Variants in MAF observed in about 807,000 individuals in gnomAD.
MAF encodes the protein MAF bZIP transcription factor.
MAF carries 10 observed loss-of-function variants against 22.0 expected under a neutral mutation model. That is an observed-to-expected ratio of 0.45 (90% CI 0.28 to 0.77). MAF has a LOEUF of 0.77. Among genes scored for constraint, MAF ranks in the 30% least tolerant of loss-of-function variants. The pLI is 0.12. For missense variants in MAF, 544 were observed against 548.4 expected (o/e 0.99, Z 0.08); for synonymous variants, 337 against 255.8 (o/e 1.32, Z -3.03).
the MAF span, among the ~76,000 whole-genome samples, chr16:79,217,821 T>A: frequency 2.0e-5 from 3 of 151,946 alleles, no homozygotes; most frequent in Non-Finnish European, 4.4e-5. Context: ...AGGCTGTGGC[T>A]TGTGGTTTTG....
chr16:79,308,409 C>T, the MAF span, among the ~76,000 whole-genome samples: 1 of 152,100 alleles, frequency 6.6e-6, no homozygotes, highest in East Asian at 1.9e-4. Flanking sequence ...ACTTAACAGC[C>T]TGTGTGGCTG....
At chr16:79,488,405 G>A in the MAF span, among the ~76,000 whole-genome samples, 6 of 152,214 alleles carry the variant, frequency 3.9e-5, no homozygotes, top group African/African-American at 1.4e-4. Flanking sequence ...ATTGGAGCTT[G>A]GTCCTGCCAC....
At chr16:79,320,202 T>C in the MAF span, among the ~76,000 whole-genome samples, 1 of 152,192 alleles carries the variant, frequency 6.6e-6, no homozygotes, top group Non-Finnish European at 1.5e-5. Context: ...GAAAAGGTTT[T>C]GTGACAGAGT....
chr16:79,320,155 C>T, the MAF span, among the ~76,000 whole-genome samples: 1 of 152,072 alleles, frequency 6.6e-6, no homozygotes, highest in Non-Finnish European at 1.5e-5. Context: ...GAGTTTGGTG[C>T]ATATGTGGAT....
chr16:79,474,114 G>C, the MAF span, among the ~76,000 whole-genome samples: 2 of 152,032 alleles, frequency 1.3e-5, no homozygotes, highest in East Asian at 3.9e-4. Flanking sequence ...GAAATGATGA[G>C]GAAATAGGAG....
the MAF span, among the ~76,000 whole-genome samples, chr16:79,329,966 A>C: frequency 6.6e-6 from 1 of 151,910 alleles, no homozygotes; most frequent in Admixed American, 6.6e-5. Flanking sequence ...TAAAAAAAAA[A>C]CAGCAAAAGA....
the MAF span, among the ~76,000 whole-genome samples, chr16:79,271,864 G>A: frequency 6.6e-6 from 1 of 152,230 alleles, no homozygotes; most frequent in Non-Finnish European, 1.5e-5. Flanking sequence ...AGAAGGTGCT[G>A]CCTGTAACAG....
the MAF span, among the ~76,000 whole-genome samples, chr16:79,259,703 T>A: frequency 6.6e-6 from 1 of 152,060 alleles, no homozygotes; most frequent in Non-Finnish European, 1.5e-5. Context: ...TGTCTTAGGG[T>A]ACAGGGGGCA....
At chr16:79,212,683 A>ATTGT in the MAF span, 3 of 152,116 alleles carry the variant, frequency 2.0e-5, no homozygotes, top group Non-Finnish European at 2.9e-5. Context: ...TGAAGTTTGT[A>ATTGT]TTGTTTCTTT....
At chr16:79,439,784 T>C in the MAF span, among the ~76,000 whole-genome samples, 1 of 152,198 alleles carries the variant, frequency 6.6e-6, no homozygotes, top group Non-Finnish European at 1.5e-5. Context: ...CCAGCATGGA[T>C]TCTGCATAGG....
At chr16:79,378,643 T>A in the MAF span, among the ~76,000 whole-genome samples, 3 of 152,370 alleles carry the variant, frequency 2.0e-5, no homozygotes, top group East Asian at 5.8e-4. Flanking sequence ...CATTTAGAGA[T>A]GACCATTATA....
At chr16:79,516,437 C>T in the MAF span, 1 of 152,186 alleles carries the variant, frequency 6.6e-6, no homozygotes, top group East Asian at 1.9e-4. Context: ...TTCCTTAGAA[C>T]AAGGCAAAGG....
chr16:79,557,029 G>A, the MAF span, among the ~76,000 whole-genome samples: 1 of 149,798 alleles, frequency 6.7e-6, no homozygotes, highest in Admixed American at 6.6e-5. Context: ...TGTTGCCCAG[G>A]CTACACTTAA....
At chr16:79,301,814 C>T in the MAF span, among the ~76,000 whole-genome samples, 1 of 152,212 alleles carries the variant, frequency 6.6e-6, no homozygotes, top group Non-Finnish European at 1.5e-5. Context: ...TACACACTTG[C>T]TGTTATTTAA....
At chr16:79,408,484 G>C in the MAF span, among the ~76,000 whole-genome samples, 1 of 152,100 alleles carries the variant, frequency 6.6e-6, no homozygotes, top group Non-Finnish European at 1.5e-5. Flanking sequence ...CCACATTGTG[G>C]CTTTTCTACT....
At chr16:79,386,937 T>C in the MAF span, among the ~76,000 whole-genome samples, 1 of 152,234 alleles carries the variant, frequency 6.6e-6, no homozygotes, top group African/African-American at 2.4e-5. Flanking sequence ...TTAACTGCTG[T>C]AAAAGCTCAT....
At chr16:79,479,032 T>G in the MAF span, among the ~76,000 whole-genome samples, 1 of 151,562 alleles carries the variant, frequency 6.6e-6, no homozygotes, top group Non-Finnish European at 1.5e-5. Context: ...CCAGCGTATA[T>G]TTATAGTATC....
At chr16:79,530,831 C>T in the MAF span, among the ~76,000 whole-genome samples, 128,967 of 152,188 alleles carry the variant, frequency 0.85, 55,430 homozygotes, top group South Asian at 0.96. Flanking sequence ...GATAGTAAAA[C>T]GGCAGGTCTA....
chr16:79,475,115 T>C, the MAF span, among the ~76,000 whole-genome samples: 4 of 152,320 alleles, frequency 2.6e-5, no homozygotes, highest in African/African-American at 7.2e-5. Flanking sequence ...CTTGTGCAGC[T>C]CAGCAGTGTC....
Sources: gnomAD v4.1 joint callset for allele counts (sites outside exome capture counted in the v4.1 genomes callset) on GRCh38, gnomAD v4.1.1 for gene constraint, MANE v1.5 for transcripts, NCBI Gene and HGNC (gene_info 2026-07-23, HGNC 2026-07-21) for gene names.